The following TRAPPC9 variants were observed in gnomAD, a reference collection of about 807,000 sequenced individuals.
TRAPPC9 encodes trafficking protein particle complex subunit 9.
A neutral mutation model predicts 124.0 loss-of-function variants in TRAPPC9; 83 were observed. That is an observed-to-expected ratio of 0.67 (90% CI 0.56 to 0.80). The LOEUF (loss-of-function observed/expected upper bound fraction) is 0.80. Ranked by LOEUF, TRAPPC9 falls within the 30% of genes least tolerant of loss-of-function variation. The pLI is 0.00. For missense variants in TRAPPC9, 1,302 were observed against 1,508.3 expected (o/e 0.86, Z 2.27); for synonymous variants, 638 against 617.5 (o/e 1.03, Z -0.49).
At chr8:139,861,587 G>A (rs1280056928) in intron 21 of TRAPPC9, among the ~76,000 whole-genome samples, 4 of 152,212 alleles carry the variant, frequency 2.6e-5, no homozygotes, top group Admixed American at 1.3e-4. Context: ...AAGAATAAGA[G>A]AGCTGAACAT....
Position 140,413,930 on chromosome 8 carries a change from T to C in TRAPPC9, c.887-8232A>G, listed in dbSNP as rs999466438. On this transcript the variant is annotated intron_variant, in intron 5 of 22. Transcript: ENST00000438773. ...TATCATTGTTGGACATTTGGGTTGG[T>C]TCCAAGTCTTTGCTATTGTGAATAG... is the stretch of plus-strand genomic sequence containing the variant. 9.2e-5 allele frequency among the ~76,000 whole-genome samples: 14 copies of C among 152,058 alleles called. No homozygotes were observed. The East Asian group carries it at 2.7e-3, about 29-fold the overall frequency.
At chr8:139,883,737 G>A (rs1829826170) in intron 21 of TRAPPC9, among the ~76,000 whole-genome samples, 3 of 152,160 alleles carry the variant, frequency 2.0e-5, no homozygotes, top group South Asian at 2.1e-4. Flanking sequence ...TCTTCCAGGC[G>A]CCCCACCAGT....
Position 140,163,890 on chromosome 8 carries a change from T to C in TRAPPC9, c.2556+57569A>G, listed in dbSNP as rs561223617. 2.6e-5 allele frequency among the ~76,000 whole-genome samples: 4 copies of C among 152,250 alleles called. No individual in the cohort carries two copies. The South Asian group carries it at 8.3e-4, about 32-fold the overall frequency. On this transcript the variant is annotated intron_variant, in intron 17 of 22. Transcript: ENST00000438773. ...TACAAACTATATTTTAAAAAGAAGG[T>C]TTAGCATTAATTAACAAATGGAAAG...
Position 140,290,989 on chromosome 8 carries a change from A to C in TRAPPC9, c.1854+4T>G. The C allele has an allele frequency of 6.2e-7, 1 of 1,613,710 alleles. No individual in the cohort carries two copies. The highest frequency in any genetic ancestry group is 8.5e-7 in the Non-Finnish European group (1 of 1,179,578). On this transcript the variant is annotated splice_donor_region_variant and intron_variant, in intron 12 of 22. Transcript: ENST00000438773. ...AAAAAGGTCAAATGATTGGTGATAC[A>C]TACCATGTTTTCAACTCGAAGTTCA...
At chr8:139,892,268 C>A (rs12544721) in intron 20 of TRAPPC9, among the ~76,000 whole-genome samples, 20,724 of 152,202 alleles carry the variant, frequency 0.14, 1,573 homozygotes, top group Admixed American at 0.2. Flanking sequence ...CCAAGGGACA[C>A]CACGATGGCT....
chr8:140,173,297 G>A (rs10088595), intron 17 of TRAPPC9, among the ~76,000 whole-genome samples: 3,514 of 152,274 alleles, frequency 0.023, 137 homozygotes, highest in African/African-American at 0.079. Flanking sequence ...GCTCATGCCT[G>A]TAATCCCAAC....
At chr8:139,798,589 G>A (rs551225295) in intron 21 of TRAPPC9, among the ~76,000 whole-genome samples, 1 of 152,320 alleles carries the variant, frequency 6.6e-6, no homozygotes, top group Admixed American at 6.5e-5. Context: ...TGTGGCCCAA[G>A]GTGTGGCTTT....
chr8:140,058,785 C>T (rs1435476482), intron 17 of TRAPPC9, among the ~76,000 whole-genome samples: 1 of 152,136 alleles, frequency 6.6e-6, no homozygotes, highest in Non-Finnish European at 1.5e-5. Flanking sequence ...TGCAGGGAGC[C>T]GCATGCAACT....
intron 9 of TRAPPC9, among the ~76,000 whole-genome samples, chr8:140,333,257 T>C (rs1425892351): frequency 2.0e-5 from 3 of 152,220 alleles, no homozygotes; most frequent in Admixed American, 6.5e-5. Flanking sequence ...GGATTATGCA[T>C]AATTTTTTCC....
At chr8:140,307,353 A>G (rs1420978735) in intron 10 of TRAPPC9, among the ~76,000 whole-genome samples, 2 of 152,064 alleles carry the variant, frequency 1.3e-5, no homozygotes, top group East Asian at 3.8e-4. Flanking sequence ...TCCTCCCTGA[A>G]CTTTCCAGGT....
chr8:139,743,361 C>T lies in TRAPPC9; in HGVS notation c.3056-11159G>A, dbSNP rs567938461. Among the ~76,000 whole-genome samples, 7 of 152,312 alleles carry T rather than the reference C, an allele frequency of 4.6e-5. No homozygotes were observed. The East Asian group carries it at 1.2e-3, about 25-fold the overall frequency. ...GAGAAACAGGGGACTAAGTAGACTTCAGTTGCAAATATCTAATTTGGGATT... is the reference window on the plus strand; with the variant it reads ...GAGAAACAGGGGACTAAGTAGACTTTAGTTGCAAATATCTAATTTGGGATT... On this transcript the variant is annotated intron_variant, in intron 21 of 22. Coordinates refer to ENST00000438773, the MANE Select transcript of TRAPPC9 (RefSeq NM_001160372.4).
At chr8:140,300,676 C>T in intron 10 of TRAPPC9, 62 bp from the exon 11 acceptor site, 1 of 1,595,028 alleles carries the variant, frequency 6.3e-7, no homozygotes, top group Non-Finnish European at 8.6e-7. Context: ...TCAGGATAAA[C>T]ATAACCAAAC....
intron 21 of TRAPPC9, among the ~76,000 whole-genome samples, chr8:139,806,889 G>A (rs2130721336): frequency 6.6e-6 from 1 of 152,342 alleles, no homozygotes; most frequent in South Asian, 2.1e-4. Flanking sequence ...TTATAGAAGG[G>A]GCGGGGGTGT....
intron 15 of TRAPPC9, among the ~76,000 whole-genome samples, chr8:140,273,219 A>G (rs1035567648): frequency 6.6e-6 from 1 of 152,036 alleles, no homozygotes; most frequent in African/African-American, 2.4e-5. Context: ...CACTCGTCCA[A>G]CCTCTTCACA....
chr8:139,938,379 G>T (rs1447628840), intron 19 of TRAPPC9, among the ~76,000 whole-genome samples: 2 of 152,022 alleles, frequency 1.3e-5, no homozygotes, highest in Non-Finnish European at 2.9e-5. Context: ...CCGCCTCCCG[G>T]GTTCACGCCA....
intron 17 of TRAPPC9, among the ~76,000 whole-genome samples, chr8:140,084,037 G>A (rs1042689502): frequency 2.0e-5 from 3 of 152,134 alleles, no homozygotes; most frequent in African/African-American, 7.2e-5. Context: ...TGCAGTGGCT[G>A]TTCACAGGCA....
intron 17 of TRAPPC9, among the ~76,000 whole-genome samples, chr8:140,130,837 G>A (rs190252659): frequency 2.0e-5 from 3 of 152,262 alleles, no homozygotes; most frequent in African/African-American, 7.2e-5. Context: ...GTAAGTATGG[G>A]ATTGCGTCAA....
intron 13 of TRAPPC9, among the ~76,000 whole-genome samples, chr8:140,286,333 A>G (rs1422762331): frequency 1.3e-5 from 2 of 152,190 alleles, no homozygotes; most frequent in African/African-American, 4.8e-5. Context: ...GGCCTTGATA[A>G]CAAGGGCCTG....
At chr8:140,130,714 G>A (rs2061192512) in intron 17 of TRAPPC9, among the ~76,000 whole-genome samples, 1 of 152,168 alleles carries the variant, frequency 6.6e-6, no homozygotes, top group African/African-American at 2.4e-5. Flanking sequence ...GTGGGGTACA[G>A]AGAATGCTGT....
Sources: gnomAD v4.1 joint callset for allele counts (sites outside exome capture counted in the v4.1 genomes callset) on GRCh38, gnomAD v4.1.1 for gene constraint, MANE v1.5 for transcripts, NCBI Gene and HGNC (gene_info 2026-07-23, HGNC 2026-07-21) for gene names.